The following TOM1L1 variants were observed in gnomAD, a reference collection of about 807,000 sequenced individuals.
TOM1L1 encodes the protein target of myb1 like 1 membrane trafficking protein.
In TOM1L1, 64 loss-of-function variants were observed where a neutral mutation model predicts 63.4. The ratio of observed to expected loss-of-function variants is 1.01; its 90% CI spans 0.83 to 1.24. The LOEUF is 1.24. Among genes scored for constraint, TOM1L1 ranks in the 50% most tolerant of loss-of-function variants. The pLI, the probability that TOM1L1 is intolerant of heterozygous loss-of-function variation, is 0.00. For missense variants in TOM1L1, 536 were observed against 567.0 expected, an observed-to-expected ratio of 0.95 and a Z score of 0.55; for synonymous variants, 166 against 194.4, an observed-to-expected ratio of 0.85 and a Z score of 1.22.
chr17:54,913,393 C>T (rs977820541), intron 4 of TOM1L1, among the ~76,000 whole-genome samples: 102 of 152,014 alleles, frequency 6.7e-4, no homozygotes, highest in African/African-American at 2.2e-3. Flanking sequence ...CGGCTGGGTG[C>T]GGTGGCTCAC....
chr17:54,915,537 T>C (rs1040303742), intron 6 of TOM1L1, among the ~76,000 whole-genome samples: 1 of 152,206 alleles, frequency 6.6e-6, no homozygotes, highest in Admixed American at 6.5e-5. Flanking sequence ...TGGGGTTTAT[T>C]ACAAGAGATC....
chr17:54,960,844 A>T (rs2077103599), intron 15 of TOM1L1, among the ~76,000 whole-genome samples: 1 of 152,168 alleles, frequency 6.6e-6, no homozygotes, highest in Non-Finnish European at 1.5e-5. Flanking sequence ...AAGGCTTGGG[A>T]ATACAGTAGT....
At chr17:54,950,200 T>A (rs17745201) in intron 14 of TOM1L1, 74 bp downstream of exon 14, 110,462 of 1,172,230 alleles carry the variant, frequency 0.094, 5,693 homozygotes, top group South Asian at 0.14. Flanking sequence ...CAGGGCTTGG[T>A]TATACATTTA....
At chr17:54,924,852 A>AT (rs1188299343) in intron 7 of TOM1L1, among the ~76,000 whole-genome samples, 17 of 152,116 alleles carry the variant, frequency 1.1e-4, no homozygotes, top group Admixed American at 2.6e-4. Context: ...ACCTTCATTT[A>AT]TTTTTTCAAT....
chr17:54,909,309 G>T (rs904280536), intron 3 of TOM1L1, among the ~76,000 whole-genome samples: 1 of 152,168 alleles, frequency 6.6e-6, no homozygotes, highest in Non-Finnish European at 1.5e-5. Context: ...CCAGGAGCTT[G>T]TTGCAGTTGG....
In TOM1L1 at chr17:54,960,626, AG is replaced by A; in HGVS notation, c.*1+1del. On this transcript the variant is annotated splice_region_variant and 3_prime_UTR_variant, in exon 15 of 16. Coordinates refer to ENST00000575882, the MANE Select transcript of TOM1L1 (RefSeq NM_005486.3). The stretch of plus-strand genomic sequence containing the variant: ...AAGGAGCTCAAAATGATGGTGACTG[AG>A]GTAAAGACTTCAACTTATACAACTT... The A allele has an allele frequency of 6.2e-7, 1 of 1,604,504 alleles. No homozygotes were observed. Among genetic ancestry groups the A allele is most frequent in the Non-Finnish European group, 8.5e-7 (1 of 1,171,852 alleles).
chr17:54,933,147 G>A (rs978581217), intron 8 of TOM1L1, among the ~76,000 whole-genome samples: 5 of 152,162 alleles, frequency 3.3e-5, no homozygotes, highest in Non-Finnish European at 7.3e-5. Context: ...ACTTTTGGAC[G>A]CTCCAGAGGA....
At chr17:54,950,881 G>A (rs1426538596) in intron 14 of TOM1L1, among the ~76,000 whole-genome samples, 1 of 152,170 alleles carries the variant, frequency 6.6e-6, no homozygotes, top group Non-Finnish European at 1.5e-5. Context: ...ATATAACAAT[G>A]AATGCAGAGA....
intron 1 of TOM1L1, chr17:54,901,186 A>C: frequency 1.8e-6 from 1 of 551,124 alleles, no homozygotes. Flanking sequence ...AAACAGGTGA[A>C]CCGCGGGAGT....
At chr17:54,926,795 A>G (rs2048776923) in intron 7 of TOM1L1, among the ~76,000 whole-genome samples, 1 of 152,260 alleles carries the variant, frequency 6.6e-6, no homozygotes, top group Non-Finnish European at 1.5e-5. Flanking sequence ...GAGGCTGCAT[A>G]TGCAGAAAGA....
intron 14 of TOM1L1, among the ~76,000 whole-genome samples, chr17:54,955,672 G>A (rs1388445857): frequency 6.6e-6 from 1 of 152,176 alleles, no homozygotes; most frequent in Non-Finnish European, 1.5e-5. Flanking sequence ...TTGTTAAAAC[G>A]ATGGCGATGT....
chr17:54,954,148 C>CATATT (rs2144015414), intron 14 of TOM1L1: 1 of 152,322 alleles, frequency 6.6e-6, no homozygotes, highest in South Asian at 2.1e-4. Context: ...TATCAGCACA[C>CATATT]ATATTGTCTG....
At chr17:54,957,737 G>A (rs1260665607) in intron 14 of TOM1L1, 1 of 152,116 alleles carries the variant, frequency 6.6e-6, no homozygotes, top group African/African-American at 2.4e-5. Context: ...GACAATTTTT[G>A]CTCTACCAGG....
intron 10 of TOM1L1, chr17:54,937,489 A>G (rs1343989146): frequency 4.5e-6 from 2 of 442,166 alleles, no homozygotes; most frequent in Non-Finnish European, 8.3e-6. Flanking sequence ...GCTTTGTAGA[A>G]GTTGTTCAGC....
At chr17:54,947,236 A>G (rs755524001) in intron 11 of TOM1L1, 25 bp from the exon 12 acceptor site, 2 of 1,613,018 alleles carry the variant, frequency 1.2e-6, no homozygotes, top group Admixed American at 1.7e-5. Context: ...TAGGGTAATC[A>G]TTCTGTGTTA....
In TOM1L1 at chr17:54,961,143, T is replaced by C. The variant is rs2077112712; in HGVS notation, c.*2-92T>C. The C allele has an allele frequency of 4.4e-6, 4 of 911,328 alleles. No individual in the cohort carries two copies. The Admixed American group carries it at 8.5e-5, about 19-fold the overall frequency. The allele number at this position is 911,328 out of a possible 1,614,324, so 56.5% of individuals were successfully genotyped here. On this transcript the variant is annotated intron_variant, in intron 15 of 15. Coordinates refer to ENST00000575882, the MANE Select transcript of TOM1L1 (RefSeq NM_005486.3). The stretch of plus-strand genomic sequence containing the variant: ...CCTTTCTTCTACTAGACTGTGACTC[T>C]CCAGCTTCCCAGTAAAGACAAGAGA...
intron 13 of TOM1L1, 29 bp downstream of exon 13, chr17:54,949,652 A>G: frequency 2.6e-6 from 4 of 1,540,554 alleles, no homozygotes; most frequent in Non-Finnish European, 3.6e-6. Context: ...TTCGCATCAA[A>G]TAAGGAAACT....
chr17:54,915,123 C>A (rs2048566202), intron 6 of TOM1L1, among the ~76,000 whole-genome samples: 1 of 152,142 alleles, frequency 6.6e-6, no homozygotes, highest in Non-Finnish European at 1.5e-5. Flanking sequence ...ATTATGCCAA[C>A]TGAATTGTAT....
At chr17:54,956,283 T>G (rs995413922) in intron 14 of TOM1L1, among the ~76,000 whole-genome samples, 15 of 152,046 alleles carry the variant, frequency 9.9e-5, no homozygotes, top group Non-Finnish European at 2.2e-4. Flanking sequence ...TAGCTGAGAC[T>G]ATTGGGGTGT....
Sources: allele counts gnomAD v4.1 joint callset (sites outside exome capture counted in the v4.1 genomes callset), GRCh38; gene constraint gnomAD v4.1.1; transcripts MANE v1.5; gene names NCBI Gene and HGNC (gene_info 2026-07-23, HGNC 2026-07-21).